The following PRDM13 variants were observed in gnomAD, a reference collection of about 807,000 sequenced individuals.
PRDM13 encodes PR domain zinc finger protein 13.
PRDM13 carries 15 observed loss-of-function variants against 36.4 expected under a neutral mutation model. The observed-to-expected ratio is 0.41, with a 90% CI of 0.28 to 0.64. PRDM13 has a LOEUF of 0.64. Among genes scored for constraint, PRDM13 ranks in the 30% least tolerant of loss-of-function variants. The pLI is 0.29. For synonymous variants in PRDM13, 531 were observed against 467.7 expected, an observed-to-expected ratio of 1.14 and a Z score of -1.75; for missense variants, 1,044 against 1,013.5, an observed-to-expected ratio of 1.03 and a Z score of -0.41.
At chr6:99,608,606 C>T in intron 1 of PRDM13, 135 bp from the exon 2 acceptor site, 1 of 1,175,122 alleles carries the variant, frequency 8.5e-7, no homozygotes, top group Non-Finnish European at 1.2e-6. Flanking sequence ...CTCCTCCTCC[C>T]AGTAGCCCAT....
Position 99,614,771 on chromosome 6 carries a change from G to A in PRDM13, c.*12G>A, listed in dbSNP as rs1583617452. ...AGCGCGACTTGTAACGAGTCTTCCC[G>A]GGAAGGGGCGGGGTGAGGACAGAGA... On this transcript the variant is annotated 3_prime_UTR_variant, in exon 4 of 4. Coordinates refer to ENST00000369215, the MANE Select transcript of PRDM13 (RefSeq NM_021620.4). 6.4e-7 allele frequency: 1 copy of A among 1,555,028 alleles called. No homozygotes were observed. Among genetic ancestry groups the A allele is most frequent in the Non-Finnish European group, 8.7e-7 (1 of 1,152,420 alleles).
intron 1 of PRDM13, among the ~76,000 whole-genome samples, chr6:99,607,794 T>G (rs1337678072): frequency 1.3e-5 from 2 of 152,154 alleles, no homozygotes; most frequent in Non-Finnish European, 2.9e-5. Flanking sequence ...GGCGCGCCCA[T>G]TCGCGCGGGG....
In PRDM13 at chr6:99,614,601, CAG is replaced by C; in HGVS notation, c.1969_1970del (p.Leu658AlafsTer27). On this transcript the variant is annotated frameshift_variant, in exon 4 of 4. Coordinates refer to ENST00000369215, the MANE Select transcript of PRDM13 (RefSeq NM_021620.4). LOFTEE classifies it high-confidence loss of function. ...ACATGTCAAGTCCCGCCACCCTGGC[CAG>C]AGTCTGCTCGCCAAAGCGGGCGACG... is the stretch of plus-strand genomic sequence containing the variant. The part of the protein sequence containing the change: ...ERHVKSRHPG[Q>X]SLLAKAGDGP... The C allele has an allele frequency of 6.2e-7, 1 of 1,612,642 alleles. No individual in the cohort carries two copies. The highest frequency in any genetic ancestry group is 1.1e-5 in the South Asian group (1 of 91,068).
chr6:99,608,986 A>T, intron 2 of PRDM13, 114 bp downstream of exon 2: 1 of 1,448,704 alleles, frequency 6.9e-7, no homozygotes, highest in Non-Finnish European at 9.3e-7. Flanking sequence ...TAGACGTCTC[A>T]TTTAAACGTC....
rs751662673 is a variant in PRDM13, at chr6:99,607,047, G to T, written c.13G>T (p.Ala5Ser). 5 of 1,610,698 alleles carry T rather than the reference G, an allele frequency of 3.1e-6. No individual in the cohort carries two copies. In the African/African-American group the frequency reaches 4.0e-5, roughly 13 times the overall value. The change falls in exon 1 of 4, where the codon GCC (alanine) becomes TCC (serine). Residue 5 changes from alanine (A) to serine (S), a missense_variant. This residue lies in a region of PRDM13 where 921 missense variants were observed against 865.2 expected (regional missense o/e 1.06). Transcript: ENST00000369215. ...GGCGGCGGCAACAATGCACGGAGCC[G>T]CCAGAGCGCCAGCCACCAGCGTGAG... MHGA[A>S]RAPATSVSAD...
chr6:99,614,975 A>G lies in PRDM13; in HGVS notation c.*216A>G. 1.5e-6 allele frequency: 1 copy of G among 661,718 alleles called. No individual in the cohort carries two copies. Among genetic ancestry groups the G allele is most frequent in the Non-Finnish European group, 2.5e-6 (1 of 407,066 alleles). The allele number at this position is 661,718 out of a possible 1,614,324, so 41.0% of individuals were successfully genotyped here. A position where few individuals can be genotyped will look rare whatever the true frequency, so the allele number is the denominator to read the frequency against. ...GTGGCGTAAATCTGGCCACCTGGAG[A>G]GCTCGAGTGCCACCAGTACCTCCGC... On this transcript the variant is annotated 3_prime_UTR_variant, in exon 4 of 4. Transcript: ENST00000369215.
At chr6:99,609,337 A>G (rs1167797550) in intron 3 of PRDM13, 30 bp downstream of exon 3, 1 of 1,611,068 alleles carries the variant, frequency 6.2e-7, no homozygotes, top group Non-Finnish European at 8.5e-7. Context: ...GGATGGGCAA[A>G]AGTCCAGCCC....
chr6:99,611,714 T>C (rs1770034319), intron 3 of PRDM13, among the ~76,000 whole-genome samples: 1 of 152,220 alleles, frequency 6.6e-6, no homozygotes, highest in Non-Finnish European at 1.5e-5. Context: ...CTATTGTTAT[T>C]TCTGTAGTAA....
chr6:99,613,682 C>T lies in PRDM13; in HGVS notation c.1047C>T (p.Gly349=), dbSNP rs1447025084. ...PGSGENSAAG[G]AGHHHHHHAH... The stretch of plus-strand genomic sequence containing the variant: ...GCGGGGAGAACTCGGCGGCGGGCGG[C>T]GCGGGTCACCACCATCACCACCACG... Residue 349 remains glycine (G), a synonymous_variant, in exon 4 of 4, where the codon GGC becomes GGT. Coordinates refer to ENST00000369215, the MANE Select transcript of PRDM13 (RefSeq NM_021620.4). This position sits in a 1 kb window ranked among gnomAD's most constrained non-coding sequence, Gnocchi z 6.1. The T allele has an allele frequency of 7.0e-7, 1 of 1,422,744 alleles. No homozygotes were observed. Among genetic ancestry groups the T allele is most frequent in the South Asian group, 1.5e-5 (1 of 67,570 alleles). The allele number at this position is 1,422,744 out of a possible 1,614,324, so 88.1% of individuals were successfully genotyped here.
rs753652471 is a variant in PRDM13, at chr6:99,612,887, A to C, written c.398-146A>C. The C allele has an allele frequency of 3.4e-6, 5 of 1,450,126 alleles. No homozygotes were observed. The Middle Eastern group carries it at 7.5e-4, about 218-fold the overall frequency. The allele number at this position is 1,450,126 out of a possible 1,614,324, so 89.8% of individuals were successfully genotyped here. ...CATTTGGGGCTTTTCGGGGTCCTCG[A>C]TACAGTAGGGCTACCGAACTTATAT... is the stretch of plus-strand genomic sequence containing the variant. On this transcript the variant is annotated intron_variant, in intron 3 of 3. Coordinates refer to ENST00000369215, the MANE Select transcript of PRDM13 (RefSeq NM_021620.4).
In PRDM13 at chr6:99,608,810, C is replaced by T. The variant is rs1201838165; in HGVS notation, c.214C>T (p.Arg72Trp). 1 of 1,613,750 alleles carries T rather than the reference C, an allele frequency of 6.2e-7. No homozygotes were observed. Among genetic ancestry groups the T allele is most frequent in the Admixed American group, 1.7e-5 (1 of 59,972 alleles). The change falls in exon 2 of 4, where the codon CGG becomes TGG. Residue 72 changes from arginine (R) to tryptophan (W), a missense_variant. Around this residue, in one of 3 missense-constraint regions of PRDM13, gnomAD observed 921 missense variants for 865.2 expected, o/e 1.06. Coordinates refer to ENST00000369215, the MANE Select transcript of PRDM13 (RefSeq NM_021620.4). ...CCCTCTGGAGTGGATAGGGTTAATC[C>T]GGGCAGCCAGAAACTCCCAGGAACA... ...GSPLEWIGLI[R>W]AARNSQEQTL... is the part of the protein sequence containing the mutation.
At chr6:99,611,446 C>T (rs982382258) in intron 3 of PRDM13, among the ~76,000 whole-genome samples, 8 of 151,902 alleles carry the variant, frequency 5.3e-5, no homozygotes, top group African/African-American at 1.7e-4. Flanking sequence ...TTTCACGATT[C>T]ATTTTACATG....
In PRDM13 at chr6:99,614,531, C is replaced by G; in HGVS notation, c.1896C>G (p.Cys632Trp). 1.2e-6 allele frequency: 2 copies of G among 1,613,136 alleles called. No homozygotes were observed. The highest frequency in any genetic ancestry group is 2.2e-5 in the South Asian group (2 of 91,078). Residue 632 changes from cysteine (C) to tryptophan (W), a missense_variant, in exon 4 of 4, where the codon TGC (cysteine) becomes TGG (tryptophan). Around this residue, in one of 3 missense-constraint regions of PRDM13, gnomAD observed 115 missense variants for 122.1 expected, o/e 0.94. Coordinates refer to ENST00000369215, the MANE Select transcript of PRDM13 (RefSeq NM_021620.4). The stretch of plus-strand genomic sequence containing the variant: ...CCGAGGGCAATACGCCCTACCGCTG[C>G]GAGTTCTGCGGCAAGGTACTTGTGC... ...LHAEGNTPYR[C>W]EFCGKVLVRR...
Position 99,613,785 on chromosome 6 carries a change from G to A in PRDM13, c.1150G>A (p.Gly384Arg), listed in dbSNP as rs1309666902. 6.6e-7 allele frequency: 1 copy of A among 1,506,974 alleles called. No individual in the cohort carries two copies. Among genetic ancestry groups the A allele is most frequent in the Admixed American group, 2.1e-5 (1 of 48,056 alleles). The allele number at this position is 1,506,974 out of a possible 1,614,324, so 93.4% of individuals were successfully genotyped here. The change falls in exon 4 of 4, where the codon GGG (glycine) becomes AGG (arginine). Residue 384 changes from glycine (G) to arginine (R), a missense_variant. Around this residue, in one of 3 missense-constraint regions of PRDM13, gnomAD observed 921 missense variants for 865.2 expected, o/e 1.06. Transcript: ENST00000369215. The surrounding 1 kb of genome is among the most constrained non-coding windows in gnomAD (Gnocchi z 6.1). ...GCCGCCGCCTGGCCTGCCCTGCTCT[G>A]GGGCCCTGCGCGGCTTCCCTCTGCT... Reference protein sequence around the residue: ...PPPPPGLPCSGALRGFPLLSV... With the variant: ...PPPPPGLPCSRALRGFPLLSV...
chr6:99,609,166 G>T (rs769901477), intron 2 of PRDM13, 21 bp from the exon 3 acceptor site: 9 of 1,612,762 alleles, frequency 5.6e-6, no homozygotes, highest in Non-Finnish European at 7.6e-6. Context: ...ACATTGAACT[G>T]TTCTATTCCT....
Position 99,614,712 on chromosome 6 carries a change from G to C in PRDM13, c.2077G>C (p.Asp693His), listed in dbSNP as rs764847031. 1 of 1,597,748 alleles carries C rather than the reference G, an allele frequency of 6.3e-7. No individual in the cohort carries two copies. The highest frequency in any genetic ancestry group is 8.5e-7 in the Non-Finnish European group (1 of 1,172,022). ...TGACGTGGACGTCTGCTTCACAGAC[G>C]ACCAGAGCGACCCCGAGGTTGGGGG... ...DSDVDVCFTD[D>H]QSDPEVGGGG... Residue 693 changes from aspartate to histidine, a missense_variant, in exon 4 of 4, where the codon GAC becomes CAC. Transcript: ENST00000369215.
intron 3 of PRDM13, 83 bp downstream of exon 3, chr6:99,609,390 C>A: frequency 6.6e-7 from 1 of 1,519,076 alleles, no homozygotes; most frequent in Non-Finnish European, 9.0e-7. Context: ...ATAGCTCGAT[C>A]TATGTAAAAT....
At position 99,613,327 on chromosome 6, in the gene PRDM13, C is replaced by G. The variant is rs748789994; in HGVS notation, c.692C>G (p.Ala231Gly). ...GCGCGGGAGGGCATCAAGCGCGAGG[C>G]CTCTTCCGCGCCCTCGGCCACCTCG... The part of the protein sequence containing the change: ...CGAREGIKRE[A>G]SSAPSATSPT... The change falls in exon 4 of 4, where the codon GCC becomes GGC. Residue 231 changes from alanine (A) to glycine (G), a missense_variant. By Grantham distance (60) the Ala-to-Gly change is moderately conservative. Around this residue, in one of 3 missense-constraint regions of PRDM13, gnomAD observed 921 missense variants for 865.2 expected, o/e 1.06. Coordinates refer to ENST00000369215, the MANE Select transcript of PRDM13 (RefSeq NM_021620.4). The surrounding 1 kb of genome is among the most constrained non-coding windows in gnomAD (Gnocchi z 6.1). 6.4e-7 allele frequency: 1 copy of G among 1,555,926 alleles called. No homozygotes were observed.
At chr6:99,608,616 T>C (rs879089716) in intron 1 of PRDM13, 125 bp from the exon 2 acceptor site, 62 of 1,308,376 alleles carry the variant, frequency 4.7e-5, no homozygotes, top group Non-Finnish European at 6.1e-5. Context: ...CAGTAGCCCA[T>C]AGTGGTCTGG....
Sources: gnomAD v4.1 joint callset for allele counts (sites outside exome capture counted in the v4.1 genomes callset) on GRCh38, gnomAD v4.1.1 for gene constraint, gnomAD v4.1.1 regional missense constraint, Gnocchi (gnomAD v3.1) non-coding constraint, MANE v1.5 for transcripts, NCBI Gene and HGNC (gene_info 2026-07-23, HGNC 2026-07-21) for gene names.